Variants in HSD17B2 observed in about 807,000 individuals in gnomAD.
HSD17B2 encodes 17-beta-hydroxysteroid dehydrogenase type 2.
HSD17B2 carries 32 observed loss-of-function variants against 26.9 expected under a neutral mutation model. The ratio of observed to expected loss-of-function variants is 1.19; its 90% CI spans 0.90 to 1.60. The LOEUF is 1.60. Ranked by LOEUF, HSD17B2 falls within the 40% of genes most tolerant of loss-of-function variation. The pLI, the probability that HSD17B2 is intolerant of heterozygous loss-of-function variation, is 0.00. For synonymous variants in HSD17B2, 246 were observed against 186.7 expected, an observed-to-expected ratio of 1.32 and a Z score of -2.59; for missense variants, 613 against 468.6, an observed-to-expected ratio of 1.31 and a Z score of -2.85.
chr16:82,070,894 T>C lies in HSD17B2; in HGVS notation c.479-48T>C, dbSNP rs758568628. On this transcript the variant is annotated intron_variant, in intron 2 of 4. Transcript: ENST00000199936. Reference sequence around the variant, plus strand: ...CTTCCAGGTATTGCAGGTTGTGTTATTCACTTCCTCTTCCAGACACTCACT... The same window carrying C: ...CTTCCAGGTATTGCAGGTTGTGTTACTCACTTCCTCTTCCAGACACTCACT... 24 of 1,551,240 alleles carry C rather than the reference T, an allele frequency of 1.5e-5. No homozygotes were observed. The African/African-American group carries it at 2.0e-4, about 13-fold the overall frequency.
At chr16:82,083,445 A>T (rs1904435557) in intron 3 of HSD17B2, among the ~76,000 whole-genome samples, 1 of 152,196 alleles carries the variant, frequency 6.6e-6, no homozygotes, top group Non-Finnish European at 1.5e-5. Context: ...CCTTGGGAAC[A>T]GTTCTGAACC....
At chr16:82,064,141 C>T (rs1914516836) in intron 1 of HSD17B2, among the ~76,000 whole-genome samples, 1 of 152,204 alleles carries the variant, frequency 6.6e-6, no homozygotes, top group Admixed American at 6.5e-5. Flanking sequence ...AAGGAACTTT[C>T]CTAAGAGAGT....
At chr16:82,035,800 A>G in intron 1 of HSD17B2, 111 bp downstream of exon 1, 5 of 1,143,672 alleles carry the variant, frequency 4.4e-6, no homozygotes, top group Non-Finnish European at 6.3e-6. Context: ...CATGGAGTAA[A>G]TGAAAGCCCT....
intron 1 of HSD17B2, among the ~76,000 whole-genome samples, chr16:82,059,585 C>T (rs1914374355): frequency 6.6e-6 from 1 of 152,090 alleles, no homozygotes. Flanking sequence ...CAGTATGCGT[C>T]ATGAAGCCAG....
chr16:82,083,777 T>A lies in HSD17B2; in HGVS notation c.665-7125T>A, dbSNP rs564204257. Among the ~76,000 whole-genome samples, 10 of 152,230 alleles carry A rather than the reference T, an allele frequency of 6.6e-5. No homozygotes were observed. In the South Asian group the frequency reaches 2.1e-3, roughly 32 times the overall value. ...GAGATGACCCCAACAGGTAACTCCT[T>A]CCAGATTTGACCATGTCTACTACAG... On this transcript the variant is annotated intron_variant, in intron 3 of 4. Transcript: ENST00000199936.
At chr16:82,059,557 G>C (rs763914146) in intron 1 of HSD17B2, among the ~76,000 whole-genome samples, 1 of 152,192 alleles carries the variant, frequency 6.6e-6, no homozygotes, top group African/African-American at 2.4e-5. Context: ...ATTGAGGAGT[G>C]AGAACCTCTT....
At chr16:82,055,595 A>G (rs1004108427) in intron 1 of HSD17B2, among the ~76,000 whole-genome samples, 2 of 152,196 alleles carry the variant, frequency 1.3e-5, no homozygotes, top group Admixed American at 1.3e-4. Flanking sequence ...AATAGAAGGT[A>G]TGTCCTAAGG....
intron 1 of HSD17B2, among the ~76,000 whole-genome samples, chr16:82,054,743 T>C (rs1300158818): frequency 6.6e-6 from 1 of 152,170 alleles, no homozygotes; most frequent in African/African-American, 2.4e-5. Context: ...TTCATCTCTT[T>C]GAGATGTCAT....
intron 3 of HSD17B2, among the ~76,000 whole-genome samples, chr16:82,088,493 G>C (rs781478820): frequency 6.6e-6 from 1 of 152,156 alleles, no homozygotes. Context: ...GCTAGGATTT[G>C]AATGCAGTCA....
At position 82,041,306 on chromosome 16, in the gene HSD17B2, T is replaced by C. The variant is rs117063842; in HGVS notation, c.265+5617T>C. On this transcript the variant is annotated intron_variant, in intron 1 of 4. Coordinates refer to ENST00000199936, the MANE Select transcript of HSD17B2 (RefSeq NM_002153.3). ...TGGGTGAAACGTCCTCTCCTTTTCA[T>C]GGTCGTTAGTTGGACACAATAGGAT... Among the ~76,000 whole-genome samples, 1,099 of 152,364 alleles carry C rather than the reference T, an allele frequency of 7.2e-3. 16 individuals are homozygous for C. Among genetic ancestry groups the C allele is most frequent in the South Asian group, 0.068 (329 of 4,828 alleles).
intron 1 of HSD17B2, among the ~76,000 whole-genome samples, chr16:82,065,946 G>C (rs1914560836): frequency 6.6e-6 from 1 of 152,180 alleles, no homozygotes; most frequent in Non-Finnish European, 1.5e-5. Context: ...GGTATTTAGG[G>C]GATTCCAGGG....
chr16:82,097,048 G>T (rs1339007366), intron 4 of HSD17B2: 1 of 151,096 alleles, frequency 6.6e-6, no homozygotes, highest in Non-Finnish European at 1.5e-5. Flanking sequence ...CTTAAAATTG[G>T]AGTGTAGCTC....
chr16:82,035,810 T>C (rs1165681244), intron 1 of HSD17B2, 121 bp downstream of exon 1: 23 of 1,049,434 alleles, frequency 2.2e-5, no homozygotes, highest in Non-Finnish European at 2.9e-5. Flanking sequence ...ATGAAAGCCC[T>C]CACCCAAGTA....
intron 1 of HSD17B2, among the ~76,000 whole-genome samples, chr16:82,039,038 G>T (rs1365108031): frequency 6.6e-6 from 1 of 152,138 alleles, no homozygotes; most frequent in African/African-American, 2.4e-5. Context: ...GGCAAAGTGG[G>T]TTCTGGTCCT....
chr16:82,066,690 T>C (rs1294657693), intron 1 of HSD17B2, among the ~76,000 whole-genome samples: 17 of 151,910 alleles, frequency 1.1e-4, no homozygotes, highest in Admixed American at 8.5e-4. Context: ...TCGCTATTTA[T>C]GGCATCAACT....
intron 1 of HSD17B2, among the ~76,000 whole-genome samples, chr16:82,039,316 A>G (rs1913705016): frequency 6.7e-6 from 1 of 149,804 alleles, no homozygotes; most frequent in African/African-American, 2.4e-5. Flanking sequence ...ACTACTATAG[A>G]TGGAGTTAGC....
At chr16:82,065,992 C>T (rs189158072) in intron 1 of HSD17B2, among the ~76,000 whole-genome samples, 30 of 152,344 alleles carry the variant, frequency 2.0e-4, no homozygotes, top group African/African-American at 6.3e-4. Flanking sequence ...GTCTGGTGAA[C>T]TTGCCAGTGT....
Position 82,036,183 on chromosome 16 carries a change from G to C in HSD17B2, c.265+494G>C, listed in dbSNP as rs1913619101. On this transcript the variant is annotated intron_variant, in intron 1 of 4. Transcript: ENST00000199936. Reference sequence around the variant, plus strand: ...ACCTGGGCTGGAGACTTTGCAGTTTGCTTGGCTGCTGTCAAGAACCTTGTG... The same window carrying C: ...ACCTGGGCTGGAGACTTTGCAGTTTCCTTGGCTGCTGTCAAGAACCTTGTG... Among the ~76,000 whole-genome samples the C allele has an allele frequency of 2.0e-5, 3 of 152,216 alleles. No homozygotes were observed. The South Asian group carries it at 6.2e-4, about 32-fold the overall frequency.
At chr16:82,061,522 T>C (rs1223073575) in intron 1 of HSD17B2, among the ~76,000 whole-genome samples, 1 of 152,182 alleles carries the variant, frequency 6.6e-6, no homozygotes, top group Non-Finnish European at 1.5e-5. Flanking sequence ...GTTATCATCA[T>C]TTCTCTTGGC....
Sources: allele counts gnomAD v4.1 joint callset (sites outside exome capture counted in the v4.1 genomes callset), GRCh38; gene constraint gnomAD v4.1.1; transcripts MANE v1.5; gene names NCBI Gene and HGNC (gene_info 2026-07-23, HGNC 2026-07-21).